SESTD1: variants seen among roughly 807,000 people sequenced by gnomAD.
SESTD1 encodes SEC14 domain and spectrin repeat-containing protein 1.
SESTD1 carries 43 observed loss-of-function variants against 101.7 expected under a neutral mutation model. The ratio of observed to expected loss-of-function variants is 0.42; its 90% CI spans 0.33 to 0.55. The LOEUF (loss-of-function observed/expected upper bound fraction) is 0.55, where lower values mean the gene tolerates loss of function less well. SESTD1 is among the 20% of genes least tolerant of loss of function. The pLI is 0.07. For synonymous variants in SESTD1, 283 were observed against 286.8 expected, an observed-to-expected ratio of 0.99 and a Z score of 0.13; for missense variants, 647 against 815.1, an observed-to-expected ratio of 0.79 and a Z score of 2.51.
In SESTD1 at chr2:179,149,164, T is replaced by C. The variant is rs571932982; in HGVS notation, c.581+133A>G. 26 of 594,502 alleles carry C rather than the reference T, an allele frequency of 4.4e-5. No individual in the cohort carries two copies. The East Asian group carries it at 4.6e-4, about 11-fold the overall frequency. 36.8% of individuals were successfully genotyped at this position (594,502 alleles called of 1,614,324 possible). On this transcript the variant is annotated intron_variant, in intron 7 of 17. Coordinates refer to ENST00000428443, the MANE Select transcript of SESTD1 (RefSeq NM_178123.5). The stretch of plus-strand genomic sequence containing the variant: ...AAGCAAATTCAAATTCTCACGAATA[T>C]TGTACGTCAATTTTGATTGAATGAA...
chr2:179,145,389 C>G (rs2045372543), intron 8 of SESTD1, among the ~76,000 whole-genome samples: 1 of 152,072 alleles, frequency 6.6e-6, no homozygotes, highest in African/African-American at 2.4e-5. Flanking sequence ...CTTCAGCTTT[C>G]CCATCTTAAA....
chr2:179,229,782 T>TACACACAC (rs141203169), intron 1 of SESTD1, among the ~76,000 whole-genome samples: 2,069 of 115,248 alleles, frequency 0.018, 35 homozygotes, highest in African/African-American at 0.028. Context: ...TATACTCAAA[T>TACACACAC]ACACACACAC....
At chr2:179,190,860 A>T (rs1361529581) in intron 2 of SESTD1, among the ~76,000 whole-genome samples, 1 of 152,258 alleles carries the variant, frequency 6.6e-6, no homozygotes, top group Non-Finnish European at 1.5e-5. Context: ...ATTATTAAAA[A>T]GTCAAAAAAA....
intron 3 of SESTD1, 63 bp downstream of exon 3, chr2:179,183,013 TAGAA>T (rs1352095969): frequency 9.2e-7 from 1 of 1,086,600 alleles, no homozygotes; most frequent in Admixed American, 2.5e-5. Flanking sequence ...AATTCAACAA[TAGAA>T]AGAATCATTA....
intron 9 of SESTD1, among the ~76,000 whole-genome samples, chr2:179,141,436 T>C (rs1269696161): frequency 3.3e-5 from 5 of 152,058 alleles, no homozygotes; most frequent in Non-Finnish European, 7.4e-5. Context: ...TTATCTCCCA[T>C]GAAGCAAGAA....
In SESTD1 at chr2:179,119,733, G is replaced by T. The variant is rs140836353; in HGVS notation, c.1442+2037C>A. On this transcript the variant is annotated intron_variant, in intron 13 of 17. Coordinates refer to ENST00000428443, the MANE Select transcript of SESTD1 (RefSeq NM_178123.5). ...TATCCCCCTTGCTGTTTTCATGTCA[G>T]TAAGTGAGTTCTCATGAGATCTGGT... is the stretch of plus-strand genomic sequence containing the variant. 7.8e-4 allele frequency among the ~76,000 whole-genome samples: 119 copies of T among 152,262 alleles called. 1 individual carries two copies. The East Asian group carries it at 0.021, about 26-fold the overall frequency.
At chr2:179,165,468 G>A (rs1346702596) in intron 5 of SESTD1, among the ~76,000 whole-genome samples, 5 of 152,128 alleles carry the variant, frequency 3.3e-5, no homozygotes, top group Admixed American at 1.3e-4. Flanking sequence ...CCGTGGTACC[G>A]GGTGTTCACA....
intron 3 of SESTD1, 84 bp from the exon 4 acceptor site, chr2:179,176,622 T>G: frequency 1.9e-6 from 2 of 1,028,554 alleles, no homozygotes; most frequent in Admixed American, 2.1e-5. Flanking sequence ...GTTTAAAACT[T>G]AATCGCATAT....
At position 179,221,547 on chromosome 2, in the gene SESTD1, A is replaced by T. The variant is rs1359924626; in HGVS notation, c.-25-29681T>A. Among the ~76,000 whole-genome samples, 4 of 151,800 alleles carry T rather than the reference A, an allele frequency of 2.6e-5. No homozygotes were observed. The South Asian group carries it at 6.2e-4, about 24-fold the overall frequency. Reference sequence around the variant, plus strand: ...AGAATCGCTTGAAGCCAGGAGGCAAAGGCAGAGGTTGCAGTGAGCCAAGAT... The same window carrying T: ...AGAATCGCTTGAAGCCAGGAGGCAATGGCAGAGGTTGCAGTGAGCCAAGAT... On this transcript the variant is annotated intron_variant, in intron 1 of 17. Coordinates refer to ENST00000428443, the MANE Select transcript of SESTD1 (RefSeq NM_178123.5).
At chr2:179,215,895 G>A (rs2046713548) in intron 1 of SESTD1, among the ~76,000 whole-genome samples, 2 of 134,864 alleles carry the variant, frequency 1.5e-5, no homozygotes, top group Non-Finnish European at 3.2e-5. Flanking sequence ...AAAACCACAT[G>A]ATTATATCAA....
chr2:179,125,587 T>G (rs2044856039), intron 10 of SESTD1, among the ~76,000 whole-genome samples: 1 of 152,192 alleles, frequency 6.6e-6, no homozygotes, highest in African/African-American at 2.4e-5. Context: ...GGGAGACACA[T>G]CTCAGATGAG....
intron 1 of SESTD1, among the ~76,000 whole-genome samples, chr2:179,245,224 T>A (rs2047211662): frequency 6.6e-6 from 1 of 151,768 alleles, no homozygotes; most frequent in South Asian, 2.1e-4. Context: ...TTTTTAAAAA[T>A]TAGCCAGATG....
At chr2:179,236,408 G>A (rs1386091408) in intron 1 of SESTD1, among the ~76,000 whole-genome samples, 2 of 150,732 alleles carry the variant, frequency 1.3e-5, no homozygotes, top group African/African-American at 2.4e-5. Context: ...GAGGTGGGAG[G>A]ACCACTTGAG....
chr2:179,149,253 TTA>T, intron 7 of SESTD1, 42 bp downstream of exon 7: 1 of 1,342,204 alleles, frequency 7.5e-7, no homozygotes, highest in East Asian at 2.4e-5. Flanking sequence ...ATCAGAATAA[TTA>T]TAGTTTTGCA....
chr2:179,171,288 A>G (rs1210678771), intron 5 of SESTD1, among the ~76,000 whole-genome samples: 1 of 152,232 alleles, frequency 6.6e-6, no homozygotes, highest in Non-Finnish European at 1.5e-5. Flanking sequence ...ATCTCCTTTA[A>G]GAATAAACTA....
intron 9 of SESTD1, among the ~76,000 whole-genome samples, chr2:179,141,340 T>C (rs978198940): frequency 3.3e-5 from 5 of 152,188 alleles, no homozygotes; most frequent in Non-Finnish European, 7.3e-5. Flanking sequence ...TAATATCTTC[T>C]TACTCATCCT....
At chr2:179,118,603 T>C (rs2044685376) in intron 13 of SESTD1, among the ~76,000 whole-genome samples, 1 of 152,168 alleles carries the variant, frequency 6.6e-6, no homozygotes, top group Admixed American at 6.5e-5. Flanking sequence ...AACATGACAT[T>C]AAAATTCAAC....
chr2:179,244,470 A>G (rs1172141530), intron 1 of SESTD1, among the ~76,000 whole-genome samples: 1 of 130,926 alleles, frequency 7.6e-6, no homozygotes, highest in Non-Finnish European at 1.5e-5. Flanking sequence ...AAAAAAACAA[A>G]CCAACAAAAA....
chr2:179,178,051 T>C (rs1481224594), intron 3 of SESTD1, among the ~76,000 whole-genome samples: 1 of 152,042 alleles, frequency 6.6e-6, no homozygotes, highest in East Asian at 1.9e-4. Context: ...GAGGGAAGAA[T>C]GGAGAGTGAG....
Sources: allele counts gnomAD v4.1 joint callset (sites outside exome capture counted in the v4.1 genomes callset), GRCh38; gene constraint gnomAD v4.1.1; transcripts MANE v1.5; gene names NCBI Gene and HGNC (gene_info 2026-07-23, HGNC 2026-07-21).